Variants in SLC45A1 observed in about 807,000 individuals in gnomAD.
SLC45A1 encodes solute carrier family 45 member 1.
In SLC45A1, 28 loss-of-function variants were observed where a neutral mutation model predicts 57.6. The observed-to-expected ratio is 0.49, with a 90% confidence interval of 0.36 to 0.67. SLC45A1 has a LOEUF of 0.67. SLC45A1 is among the 30% of genes least tolerant of loss of function. The pLI, the probability that SLC45A1 is intolerant of heterozygous loss-of-function variation, is 0.00. For synonymous variants in SLC45A1, 459 were observed against 471.5 expected (o/e 0.97, Z 0.34); for missense variants, 814 against 1,041.5 (o/e 0.78, Z 3.01).
chr1:8,330,071 G>GTGGAACA lies in SLC45A1; in HGVS notation c.716-138_716-137insTGGAACA. ...CTGGGAATCCTGTCCCATTTTGTTG[G>GTGGAACA]GGTTTAGGTGGAACAGGTTCTGTGC... On this transcript the variant is annotated intron_variant, in intron 4 of 8. Transcript: ENST00000471889. This position sits in a 1 kb window ranked among gnomAD's most constrained non-coding sequence, Gnocchi z 8.4. The GTGGAACA allele has an allele frequency of 9.2e-7, 1 of 1,091,182 alleles. No individual in the cohort carries two copies. Among genetic ancestry groups the GTGGAACA allele is most frequent in the Non-Finnish European group, 1.3e-6 (1 of 757,210 alleles). The allele number at this position is 1,091,182 out of a possible 1,614,324, so 67.6% of individuals were successfully genotyped here.
chr1:8,340,089 C>T (rs2124325744), intron 8 of SLC45A1, among the ~76,000 whole-genome samples: 1 of 152,164 alleles, frequency 6.6e-6, no homozygotes, highest in African/African-American at 2.4e-5. Context: ...AGATCGATAA[C>T]ATGTTAATGC....
chr1:8,330,017 A>G lies in SLC45A1; in HGVS notation c.716-192A>G. ...GGCCCTGCAGGTGGCTGTGCAGGAC[A>G]GGAGGGGGACCTCCTCAAGGGGCCC... On this transcript the variant is annotated intron_variant, in intron 4 of 8. Coordinates refer to ENST00000471889, the MANE Select transcript of SLC45A1 (RefSeq NM_001080397.3). This position sits in a 1 kb window ranked among gnomAD's most constrained non-coding sequence, Gnocchi z 8.4. 3.0e-6 allele frequency: 2 copies of G among 658,300 alleles called. No homozygotes were observed. The highest frequency in any genetic ancestry group is 2.7e-5 in the East Asian group (1 of 36,764). 40.8% of individuals were successfully genotyped at this position (658,300 alleles called of 1,614,324 possible).
Position 8,326,395 on chromosome 1 carries a change from A to G in SLC45A1, c.715+353A>G, listed in dbSNP as rs190858429. On this transcript the variant is annotated intron_variant, in intron 4 of 8. Coordinates refer to ENST00000471889, the MANE Select transcript of SLC45A1 (RefSeq NM_001080397.3). The surrounding 1 kb of genome is among the most constrained non-coding windows in gnomAD (Gnocchi z 5.5). ...CAGGGTTAGGTTCCTGTGAGCCTCC[A>G]GTCACAACGTTTTCATCAACGGATC... 3.3e-5 allele frequency among the ~76,000 whole-genome samples: 5 copies of G among 152,286 alleles called. No individual in the cohort carries two copies. In the East Asian group the frequency reaches 9.7e-4, roughly 29 times the overall value.
chr1:8,336,425 A>AG (rs1557566909), intron 6 of SLC45A1, among the ~76,000 whole-genome samples: 1 of 151,990 alleles, frequency 6.6e-6, no homozygotes, highest in East Asian at 1.9e-4. Flanking sequence ...AAAAAAAAAA[A>AG]GAATTTGAGA....
At position 8,343,720 on chromosome 1, in the gene SLC45A1, G is replaced by A. The variant is rs746962383; in HGVS notation, c.1981-27G>A. 3.4e-5 allele frequency: 54 copies of A among 1,592,432 alleles called. No individual in the cohort carries two copies. The highest frequency in any genetic ancestry group is 3.3e-4 in the Middle Eastern group (2 of 6,000). On this transcript the variant is annotated intron_variant, in intron 8 of 8. Coordinates refer to ENST00000471889, the MANE Select transcript of SLC45A1 (RefSeq NM_001080397.3). The surrounding 1 kb of genome is among the most constrained non-coding windows in gnomAD (Gnocchi z 7.7). The stretch of plus-strand genomic sequence containing the variant: ...CCCCGTGCTGGCCGCGGCGTGTCTC[G>A]CTGACACGTTTCTTCCTCTGGGTCA...
chr1:8,340,943 AGGT>A (rs1557570052), intron 8 of SLC45A1, among the ~76,000 whole-genome samples: 1 of 152,170 alleles, frequency 6.6e-6, no homozygotes, highest in African/African-American at 2.4e-5. Flanking sequence ...CTGTAGTCCC[AGGT>A]ACTTAGGAGG....
chr1:8,335,712 A>G lies in SLC45A1; in HGVS notation c.1597+122A>G. 2 of 1,123,668 alleles carry G rather than the reference A, an allele frequency of 1.8e-6. No homozygotes were observed. Among genetic ancestry groups the G allele is most frequent in the South Asian group, 1.6e-5 (1 of 60,866 alleles). 69.6% of individuals were successfully genotyped at this position (1,123,668 alleles called of 1,614,324 possible). A position where few individuals can be genotyped will look rare whatever the true frequency, so the allele number is the denominator to read the frequency against. Reference sequence around the variant, plus strand: ...ACCTTTCTGAGTTCACCAGCCCCCAACAACAGCACCAAGGGCAGGCCTGGG... The same window carrying G: ...ACCTTTCTGAGTTCACCAGCCCCCAGCAACAGCACCAAGGGCAGGCCTGGG... On this transcript the variant is annotated intron_variant, in intron 6 of 8. Coordinates refer to ENST00000471889, the MANE Select transcript of SLC45A1 (RefSeq NM_001080397.3). The surrounding 1 kb of genome is among the most constrained non-coding windows in gnomAD (Gnocchi z 4.1).
At position 8,337,870 on chromosome 1, in the gene SLC45A1, T is replaced by C; in HGVS notation, c.1652T>C (p.Val551Ala). 1 of 1,614,068 alleles carries C rather than the reference T, an allele frequency of 6.2e-7. No homozygotes were observed. Among genetic ancestry groups the C allele is most frequent in the East Asian group, 2.2e-5 (1 of 44,878 alleles). ...LLFYTDFMGE[V>A]VFQGDPKAPH... ...TTCTACACAGACTTCATGGGCGAGG[T>C]GGTGTTTCAGGGGGACCCCAAGGCC... Residue 551 changes from valine to alanine, a missense_variant, in exon 7 of 9, where the codon GTG becomes GCG. By Grantham distance (64) the Val-to-Ala change is moderately conservative (BLOSUM62 0). Transcript: ENST00000471889.
intron 6 of SLC45A1, among the ~76,000 whole-genome samples, 159 bp from the exon 7 acceptor site, chr1:8,337,657 A>G (rs1049866100): frequency 6.6e-6 from 1 of 152,132 alleles, no homozygotes; most frequent in Non-Finnish European, 1.5e-5. Context: ...TGACCCTGTG[A>G]TCCGCCCGCC....
rs1040740337 is a variant in SLC45A1, at chr1:8,327,797, G to A, written c.715+1755G>A. Among the ~76,000 whole-genome samples, 3 of 152,154 alleles carry A rather than the reference G, an allele frequency of 2.0e-5. No individual in the cohort carries two copies. Among genetic ancestry groups the A allele is most frequent in the African/African-American group, 7.2e-5 (3 of 41,430 alleles). ...TGTAACCCCAGCACTTTGAGAGGCT[G>A]AAGTGGGTGAATCACTTGAGGTCAG... On this transcript the variant is annotated intron_variant, in intron 4 of 8. Transcript: ENST00000471889. This position sits in a 1 kb window ranked among gnomAD's most constrained non-coding sequence, Gnocchi z 4.3.
intron 5 of SLC45A1, among the ~76,000 whole-genome samples, chr1:8,334,822 C>T (rs75740297): frequency 0.015 from 2,209 of 152,242 alleles, 18 homozygotes; most frequent in Middle Eastern, 0.024. Context: ...GTTTGCAAAC[C>T]GAGTGAAGAT....
At chr1:8,338,718 G>A (rs1640705491) in intron 7 of SLC45A1, among the ~76,000 whole-genome samples, 1 of 152,236 alleles carries the variant, frequency 6.6e-6, no homozygotes, top group East Asian at 1.9e-4. Flanking sequence ...GCTGAAATAC[G>A]AGTTTCATGT....
rs146184666 is a variant in SLC45A1 at position 8,343,971 on chromosome 1, C to T, written c.2205C>T (p.Asp735=). 1.9e-5 allele frequency: 30 copies of T among 1,613,482 alleles called. No homozygotes were observed. In the African/African-American group the frequency reaches 2.0e-4, roughly 11 times the overall value. ...TCATTTATGAAATTCCTCCCAGCGA[C>T]GCTGCAGACGAGGAGCACCGGCCCC... ...LFVIYEIPPS[D]AADEEHRPLL... Residue 735 remains aspartate, a synonymous_variant, in exon 9 of 9, where the codon GAC becomes GAT. Coordinates refer to ENST00000471889, the MANE Select transcript of SLC45A1 (RefSeq NM_001080397.3). The surrounding 1 kb of genome is among the most constrained non-coding windows in gnomAD (Gnocchi z 7.7).
chr1:8,326,343 C>T lies in SLC45A1; in HGVS notation c.715+301C>T, dbSNP rs1289270175. 1.3e-5 allele frequency among the ~76,000 whole-genome samples: 2 copies of T among 152,198 alleles called. No individual in the cohort carries two copies. The highest frequency in any genetic ancestry group is 2.9e-5 in the Non-Finnish European group (2 of 68,038). ...TCACCACAAACACTGAATTAGCAAACACCGCATCTCGCTCCTAGGAAAAAT... is the reference window on the plus strand; with the variant it reads ...TCACCACAAACACTGAATTAGCAAATACCGCATCTCGCTCCTAGGAAAAAT... On this transcript the variant is annotated intron_variant, in intron 4 of 8. Coordinates refer to ENST00000471889, the MANE Select transcript of SLC45A1 (RefSeq NM_001080397.3). The surrounding 1 kb of genome is among the most constrained non-coding windows in gnomAD (Gnocchi z 5.5).
rs868127570 is a variant in SLC45A1 at position 8,337,830 on chromosome 1, G to A, written c.1612G>A (p.Glu538Lys). The change falls in exon 7 of 9, where the codon GAG (glutamate) becomes AAG (lysine). Residue 538 changes from glutamate to lysine, a missense_variant. Physicochemically the swap from Glu to Lys is moderately conservative, Grantham distance 56 (BLOSUM62 1). Transcript: ENST00000471889. ...CTTTCTTCCAGGGTGGCTCTCATTC[G>A]AGGGGATGTTGCTCTTCTACACAGA... ...VNHFLGWLSF[E>K]GMLLFYTDFM... The A allele has an allele frequency of 7.4e-6, 12 of 1,613,782 alleles. No homozygotes were observed. Among genetic ancestry groups the A allele is most frequent in the South Asian group, 2.2e-5 (2 of 91,012 alleles).
chr1:8,325,425 G>GAAA lies in SLC45A1; in HGVS notation c.490+43_490+45dup. On this transcript the variant is annotated intron_variant, in intron 3 of 8. Coordinates refer to ENST00000471889, the MANE Select transcript of SLC45A1 (RefSeq NM_001080397.3). This position sits in a 1 kb window ranked among gnomAD's most constrained non-coding sequence, Gnocchi z 6.3. ...TTTGGCATGGAAATAAAATGGAGAG[G>GAAA]AAAAAAAAAAGGCCCCAACTGCTTC... The GAAA allele has an allele frequency of 1.6e-6, 2 of 1,267,178 alleles. No individual in the cohort carries two copies. The highest frequency in any genetic ancestry group is 2.2e-6 in the Non-Finnish European group (2 of 919,006). The allele number at this position is 1,267,178 out of a possible 1,614,324, so 78.5% of individuals were successfully genotyped here.
rs74454418 is a variant in SLC45A1 at position 8,340,866 on chromosome 1, A to C, written c.1980+1168A>C. Reference sequence around the variant, plus strand: ...AAATCTCGTTACGGATTATGGATTTAGCATAAAGAAAAATAATCAGGCATA... The same window carrying C: ...AAATCTCGTTACGGATTATGGATTTCGCATAAAGAAAAATAATCAGGCATA... On this transcript the variant is annotated intron_variant, in intron 8 of 8. Transcript: ENST00000471889. 5.9e-5 allele frequency among the ~76,000 whole-genome samples: 9 copies of C among 152,286 alleles called. No individual in the cohort carries two copies. The East Asian group carries it at 1.7e-3, about 29-fold the overall frequency.
chr1:8,331,103 C>T (rs183077999), intron 5 of SLC45A1, among the ~76,000 whole-genome samples, 167 bp downstream of exon 5: 4 of 152,080 alleles, frequency 2.6e-5, no homozygotes, highest in Admixed American at 1.3e-4. Flanking sequence ...AGGCCAGGTG[C>T]GGTGGCTCAA....
At chr1:8,324,798 G>A (rs1010282133) in intron 2 of SLC45A1, 72 bp downstream of exon 2, 10 of 1,374,462 alleles carry the variant, frequency 7.3e-6, no homozygotes, top group Non-Finnish European at 9.7e-6. Context: ...AGTAGCCTGA[G>A]GGTCCTGAGG....
Sources: gnomAD v4.1 joint callset for allele counts (sites outside exome capture counted in the v4.1 genomes callset) on GRCh38, gnomAD v4.1.1 for gene constraint, Gnocchi (gnomAD v3.1) non-coding constraint, MANE v1.5 for transcripts, NCBI Gene and HGNC (gene_info 2026-07-23, HGNC 2026-07-21) for gene names.